The following OTUD7A variants were observed in gnomAD, a reference collection of about 807,000 sequenced individuals.
The protein encoded by OTUD7A is OTU deubiquitinase 7A, also known as OTU domain-containing protein 7A.
Under a neutral mutation model 65.7 loss-of-function variants are expected in OTUD7A, and 12 were observed. The ratio of observed to expected loss-of-function variants is 0.18; its 90% CI spans 0.12 to 0.30. The LOEUF (loss-of-function observed/expected upper bound fraction) is 0.30, where lower values mean the gene tolerates loss of function less well. OTUD7A is among the 10% of genes least tolerant of loss of function. OTUD7A has a pLI of 1.00. For synonymous variants in OTUD7A, 641 were observed against 586.3 expected, an observed-to-expected ratio of 1.09 and a Z score of -1.35; for missense variants, 1,148 against 1,304.8, an observed-to-expected ratio of 0.88 and a Z score of 1.85.
intron 1 of OTUD7A, among the ~76,000 whole-genome samples, chr15:31,658,364 G>A (rs1486051078): frequency 6.6e-6 from 1 of 152,076 alleles, no homozygotes; most frequent in Admixed American, 6.5e-5. Context: ...AGGAATAAGG[G>A]GCCTACCTCT....
At chr15:31,617,768 A>C (rs1327890191) in intron 3 of OTUD7A, among the ~76,000 whole-genome samples, 1 of 151,278 alleles carries the variant, frequency 6.6e-6, no homozygotes, top group African/African-American at 2.5e-5. Flanking sequence ...TTTTATTTTT[A>C]TTTTATTATT....
At chr15:31,849,477 C>T (rs1033981365) in intron 1 of OTUD7A, among the ~76,000 whole-genome samples, 3 of 152,174 alleles carry the variant, frequency 2.0e-5, no homozygotes, top group African/African-American at 7.2e-5. Context: ...CAATACCATT[C>T]AGGACATAGG....
At chr15:31,815,817 T>C (rs771441779) in intron 1 of OTUD7A, among the ~76,000 whole-genome samples, 3 of 152,228 alleles carry the variant, frequency 2.0e-5, no homozygotes, top group Non-Finnish European at 4.4e-5. Flanking sequence ...CAATAATGAA[T>C]AGAAAACTTC....
At position 31,491,372 on chromosome 15, in the gene OTUD7A, G is replaced by A. The variant is rs2041315403; in HGVS notation, c.1172-3806C>T. 2.0e-5 allele frequency among the ~76,000 whole-genome samples: 3 copies of A among 152,182 alleles called. No homozygotes were observed. In the South Asian group the frequency reaches 6.2e-4, roughly 31 times the overall value. On this transcript the variant is annotated intron_variant, in intron 10 of 12. Transcript: ENST00000307050. ...AAACACCATAATAGAGGTGAAGAAT[G>A]ATTTTGAGGGGCTGGTCAGTTGACT...
chr15:31,786,080 C>A (rs1034426986), intron 1 of OTUD7A, among the ~76,000 whole-genome samples: 1 of 152,112 alleles, frequency 6.6e-6, no homozygotes, highest in Non-Finnish European at 1.5e-5. Context: ...TGAGCCAGCA[C>A]GCTCAGCCCT....
intron 8 of OTUD7A, among the ~76,000 whole-genome samples, chr15:31,512,180 A>G (rs2041765137): frequency 1.3e-5 from 2 of 151,664 alleles, no homozygotes; most frequent in South Asian, 4.2e-4. Flanking sequence ...TTTTTCCTCA[A>G]TCTGTGCACA....
intron 3 of OTUD7A, among the ~76,000 whole-genome samples, chr15:31,626,621 G>A (rs973401015): frequency 6.6e-6 from 1 of 152,170 alleles, no homozygotes; most frequent in Non-Finnish European, 1.5e-5. Context: ...TGTTGCCCAA[G>A]TTGGATTGCA....
At chr15:31,832,758 T>C (rs899325542) in intron 1 of OTUD7A, among the ~76,000 whole-genome samples, 3 of 152,202 alleles carry the variant, frequency 2.0e-5, no homozygotes, top group African/African-American at 7.2e-5. Context: ...TTCATGCATG[T>C]TGTAGCATAT....
chr15:31,697,074 C>T (rs548092895), intron 1 of OTUD7A, among the ~76,000 whole-genome samples: 4,483 of 146,230 alleles, frequency 0.031, 205 homozygotes, highest in African/African-American at 0.11. Context: ...AACCCAACTT[C>T]TCAGAACCAA....
intron 3 of OTUD7A, among the ~76,000 whole-genome samples, chr15:31,618,293 C>T (rs1890659282): frequency 6.6e-6 from 1 of 152,206 alleles, no homozygotes; most frequent in African/African-American, 2.4e-5. Context: ...GGTATATACC[C>T]AGTAATGGGA....
chr15:31,696,665 G>A (rs1034408521), intron 1 of OTUD7A, among the ~76,000 whole-genome samples: 9 of 151,376 alleles, frequency 5.9e-5, no homozygotes, highest in Admixed American at 5.3e-4. Context: ...TGAGAGGTCA[G>A]ACCCAACGGC....
At chr15:31,485,989 A>G (rs1308344901) in intron 12 of OTUD7A, among the ~76,000 whole-genome samples, 2 of 152,198 alleles carry the variant, frequency 1.3e-5, no homozygotes, top group African/African-American at 4.8e-5. Flanking sequence ...TAAAGGGTGG[A>G]CACTCGGGCT....
chr15:31,734,434 C>G (rs1455124629), intron 1 of OTUD7A, among the ~76,000 whole-genome samples: 1 of 152,058 alleles, frequency 6.6e-6, no homozygotes, highest in Non-Finnish European at 1.5e-5. Context: ...CAAAAAAGAG[C>G]CTGAATAGCC....
At chr15:31,507,626 C>G (rs1414744944) in intron 8 of OTUD7A, among the ~76,000 whole-genome samples, 1 of 73,454 alleles carries the variant, frequency 1.4e-5, no homozygotes, top group African/African-American at 7.8e-5. Context: ...GTTGCTGCCG[C>G]TGCTGGCTGG....
At chr15:31,646,718 C>T (rs1285014502) in intron 3 of OTUD7A, among the ~76,000 whole-genome samples, 1 of 152,098 alleles carries the variant, frequency 6.6e-6, no homozygotes, top group Non-Finnish European at 1.5e-5. Context: ...CTTGGCCTCC[C>T]GAAGTGCTGG....
intron 10 of OTUD7A, among the ~76,000 whole-genome samples, chr15:31,493,022 A>C (rs1349309652): frequency 6.6e-6 from 1 of 152,130 alleles, no homozygotes; most frequent in Non-Finnish European, 1.5e-5. Flanking sequence ...CCTGGCCAAC[A>C]TGATGAAACC....
At chr15:31,601,364 G>A (rs971697662) in intron 3 of OTUD7A, among the ~76,000 whole-genome samples, 38 of 152,144 alleles carry the variant, frequency 2.5e-4, no homozygotes, top group African/African-American at 9.2e-4. Flanking sequence ...ATGACTCCTG[G>A]GTAAATAATG....
chr15:31,717,072 C>T (rs1595723953), intron 1 of OTUD7A, among the ~76,000 whole-genome samples: 1 of 152,182 alleles, frequency 6.6e-6, no homozygotes, highest in East Asian at 1.9e-4. Context: ...TCTCCACATA[C>T]AAGTCTGTTC....
intron 3 of OTUD7A, among the ~76,000 whole-genome samples, chr15:31,589,872 G>A (rs929362910): frequency 6.6e-6 from 1 of 152,056 alleles, no homozygotes; most frequent in Non-Finnish European, 1.5e-5. Flanking sequence ...GATTAGTATT[G>A]AAACTATCAA....
Sources: allele counts gnomAD v4.1 joint callset (sites outside exome capture counted in the v4.1 genomes callset), GRCh38; gene constraint gnomAD v4.1.1; transcripts MANE v1.5; gene names NCBI Gene and HGNC (gene_info 2026-07-23, HGNC 2026-07-21).